The following PHF8 variants were observed in gnomAD, a reference collection of about 807,000 sequenced individuals.
The protein encoded by PHF8 is histone lysine demethylase PHF8.
PHF8 carries 9 observed loss-of-function variants against 74.4 expected under a neutral mutation model. The ratio of observed to expected loss-of-function variants is 0.12; its 90% confidence interval spans 0.07 to 0.21. The LOEUF is 0.21. Among genes scored for constraint, PHF8 ranks in the 10% least tolerant of loss-of-function variants. PHF8 has a pLI of 1.00. For synonymous variants in PHF8, 311 were observed against 316.6 expected (o/e 0.98, Z 0.19); for missense variants, 478 against 816.6 (o/e 0.59, Z 5.05).
chrX:54,022,285 T>G lies in PHF8; in HGVS notation c.267A>C (p.Arg89Ser). The G allele has an allele frequency of 8.4e-7, 1 of 1,197,416 alleles. No homozygotes were observed. Among genetic ancestry groups the G allele is most frequent in the Non-Finnish European group, 1.1e-6 (1 of 882,293 alleles). ...PVKTGSPTFV[R>S]ELRSRTFDSS... ...TGTCAAAAGTCCTACTCCGGAGCTC[T>G]CTGACGAACGTAGGGCTCCCGGTCT... The change falls in exon 4 of 22, where the codon AGA becomes AGC. Residue 89 changes from arginine to serine, a missense_variant. Around this residue, in one of 9 missense-constraint regions of PHF8, gnomAD observed 28 missense variants for 33.4 expected, o/e 0.84. Transcript: ENST00000338154.
chrX:53,998,340 G>A (rs1053016301), intron 11 of PHF8, among the ~76,000 whole-genome samples: 3 of 111,002 alleles, frequency 2.7e-5, no homozygotes, highest in Non-Finnish European at 5.7e-5. Flanking sequence ...TGTAATCCCA[G>A]CTACTCAGGA....
chrX:53,963,959 A>G (rs1472836743), intron 18 of PHF8, among the ~76,000 whole-genome samples: 1 of 112,121 alleles, frequency 8.9e-6, no homozygotes, highest in Non-Finnish European at 1.9e-5. Context: ...AGCACTGTAC[A>G]CAATAGCAAA....
rs112971718 is a variant in PHF8, at chrX:53,952,808, G to A, written c.2540-8565C>T. Among the ~76,000 whole-genome samples the A allele has an allele frequency of 4.7e-5, 5 of 106,775 alleles. No individual in the cohort carries two copies. In the South Asian group the frequency reaches 1.7e-3, roughly 36 times the overall value. The allele number at this position is 106,775 out of a possible 115,157, so 92.7% of individuals were successfully genotyped here. On this transcript the variant is annotated intron_variant, in intron 19 of 21. Coordinates refer to ENST00000338154, the MANE Select transcript of PHF8 (RefSeq NM_015107.3). ...TGAGACAGGAGAATGGCGTGAACCC[G>A]GGAGGCAGAGCTTGCAGTGAGCCGA...
chrX:54,005,822 GA>G (rs201044099), intron 8 of PHF8, among the ~76,000 whole-genome samples: 3 of 105,412 alleles, frequency 2.8e-5, no homozygotes, highest in Admixed American at 1.0e-4. Flanking sequence ...AGGAATGAAA[GA>G]AAAAAAAAAT....
chrX:53,949,811 C>CA (rs11353359), intron 19 of PHF8, among the ~76,000 whole-genome samples: 786 of 23,901 alleles, frequency 0.033, 52 homozygotes, highest in African/African-American at 0.039. Flanking sequence ...GACTCCGTCT[C>CA]AAAAAAAAAA....
At chrX:54,006,900 T>C (rs782764357) in intron 8 of PHF8, among the ~76,000 whole-genome samples, 2 of 103,778 alleles carry the variant, frequency 1.9e-5, no homozygotes, top group African/African-American at 7.2e-5. Flanking sequence ...ACCGCAACCA[T>C]TGCACTCCAG....
intron 19 of PHF8, among the ~76,000 whole-genome samples, chrX:53,957,727 GT>G (rs781860913): frequency 3.8e-4 from 42 of 111,622 alleles, no homozygotes; most frequent in Admixed American, 1.8e-3. Flanking sequence ...AAATAGATGT[GT>G]AAAAAACGTG....
intron 2 of PHF8, among the ~76,000 whole-genome samples, chrX:54,038,102 T>C (rs17002477): frequency 0.13 from 13,960 of 111,336 alleles, 895 homozygotes; most frequent in African/African-American, 0.24. Context: ...CAACTAGTTT[T>C]CTCCACTATT....
chrX:54,031,731 A>G (rs2066360971), intron 2 of PHF8, among the ~76,000 whole-genome samples: 1 of 111,067 alleles, frequency 9.0e-6, no homozygotes, highest in African/African-American at 3.3e-5. Flanking sequence ...CTATTAACAA[A>G]TCCTGTATCA....
At chrX:53,957,720 T>G (rs891707843) in intron 19 of PHF8, among the ~76,000 whole-genome samples, 1 of 111,526 alleles carries the variant, frequency 9.0e-6, no homozygotes, top group African/African-American at 3.3e-5. Context: ...TTCAGCCAAA[T>G]AGATGTGTAA....
chrX:54,033,543 T>C (rs782513896), intron 2 of PHF8, among the ~76,000 whole-genome samples: 15 of 111,248 alleles, frequency 1.3e-4, no homozygotes, highest in Non-Finnish European at 2.6e-4. Flanking sequence ...TGAAACCCCA[T>C]TTCTACTAAA....
Position 54,000,606 on chromosome X carries a change from T to C in PHF8, c.1142-645A>G, listed in dbSNP as rs1362583432. Among the ~76,000 whole-genome samples the C allele has an allele frequency of 2.7e-5, 3 of 112,884 alleles. No homozygotes were observed. The Admixed American group carries it at 2.8e-4, about 11-fold the overall frequency. On this transcript the variant is annotated intron_variant, in intron 10 of 21. Coordinates refer to ENST00000338154, the MANE Select transcript of PHF8 (RefSeq NM_015107.3). ...TGAGGTATTGGCTACGAGGCTGTAC[T>C]CATGGCCCCTGAGATTCTTTATAAC...
At chrX:54,005,805 A>C (rs1394851000) in intron 8 of PHF8, among the ~76,000 whole-genome samples, 1 of 110,642 alleles carries the variant, frequency 9.0e-6, no homozygotes, top group Non-Finnish European at 1.9e-5. Flanking sequence ...CCAGAAAAAT[A>C]TCCTTCAGGA....
chrX:54,042,249 C>G (rs1204782749), intron 2 of PHF8, among the ~76,000 whole-genome samples: 1 of 108,651 alleles, frequency 9.2e-6, no homozygotes, highest in African/African-American at 3.4e-5. Context: ...TGCTGTGAGC[C>G]GAGATCGCGC....
intron 18 of PHF8, among the ~76,000 whole-genome samples, chrX:53,965,135 CA>C (rs1291656474): frequency 2.4e-4 from 26 of 107,730 alleles, no homozygotes; most frequent in Admixed American, 1.2e-3. Context: ...TGTTTTTTAC[CA>C]AAAAAAAAGA....
intron 8 of PHF8, among the ~76,000 whole-genome samples, chrX:54,006,894 C>T (rs2065905253): frequency 2.0e-5 from 2 of 98,364 alleles, no homozygotes; most frequent in Admixed American, 2.4e-4. Context: ...GCTGAGACCG[C>T]AACCATTGCA....
intron 19 of PHF8, among the ~76,000 whole-genome samples, chrX:53,958,797 A>G (rs1373033750): frequency 9.4e-6 from 1 of 106,306 alleles, no homozygotes; most frequent in African/African-American, 3.4e-5. Flanking sequence ...AAAAAAAAAA[A>G]AAAAGCTGAT....
At position 53,987,677 on chromosome X, in the gene PHF8, C is replaced by G. The variant is rs142209689; in HGVS notation, c.1909+89G>C. The G allele has an allele frequency of 4.5e-3, 3,778 of 847,975 alleles. 90 individuals are homozygous for G. The East Asian group carries it at 0.087, about 20-fold the overall frequency. 69.9% of individuals were successfully genotyped at this position (847,975 alleles called of 1,213,427 possible). On this transcript the variant is annotated intron_variant, in intron 15 of 21. Transcript: ENST00000338154. ...TGAGCCAAGATCGTGCCATTGCACT[C>G]CAGCCTGGGCAACAAGAGCAAAACT...
At chrX:54,038,933 G>A (rs1557115134) in intron 2 of PHF8, among the ~76,000 whole-genome samples, 1 of 110,079 alleles carries the variant, frequency 9.1e-6, no homozygotes, top group East Asian at 2.8e-4. Flanking sequence ...TCAGCAGTTC[G>A]AGACCAGCCT....
Sources: gnomAD v4.1 joint callset for allele counts (sites outside exome capture counted in the v4.1 genomes callset) on GRCh38, gnomAD v4.1.1 for gene constraint, gnomAD v4.1.1 regional missense constraint, MANE v1.5 for transcripts, NCBI Gene and HGNC (gene_info 2026-07-23, HGNC 2026-07-21) for gene names.